Variants in SGK1 observed in about 807,000 individuals in gnomAD.
SGK1 encodes serine/threonine-protein kinase Sgk1.
A neutral mutation model predicts 64.2 loss-of-function variants in SGK1; 26 were observed. The ratio of observed to expected loss-of-function variants is 0.40; its 90% CI spans 0.30 to 0.56. The LOEUF (loss-of-function observed/expected upper bound fraction) is 0.56, where lower values mean the gene tolerates loss of function less well. Ranked by LOEUF, SGK1 falls within the 20% of genes least tolerant of loss-of-function variation. The pLI is 0.38. For missense variants in SGK1, 519 were observed against 645.6 expected (o/e 0.80, Z 2.12); for synonymous variants, 265 against 239.7 (o/e 1.11, Z -0.98).
chr6:134,236,401 C>T (rs1313644131), intron 2 of SGK1, among the ~76,000 whole-genome samples: 2 of 151,942 alleles, frequency 1.3e-5, no homozygotes, highest in East Asian at 1.9e-4. Flanking sequence ...CTGAGGTGGG[C>T]GAATTGCTTG....
chr6:134,255,236 TCTA>T (rs1454630317), intron 2 of SGK1, among the ~76,000 whole-genome samples: 10 of 152,326 alleles, frequency 6.6e-5, no homozygotes, highest in Middle Eastern at 3.4e-3. Context: ...TTAATAATGC[TCTA>T]CAAGTTTATA....
intron 1 of SGK1, among the ~76,000 whole-genome samples, chr6:134,269,424 C>T (rs1459719125): frequency 6.8e-6 from 1 of 147,238 alleles, no homozygotes; most frequent in Non-Finnish European, 1.5e-5. Flanking sequence ...AGGTGGAGGC[C>T]GAGGCAGGTG....
At chr6:134,268,303 G>C (rs1488919539) in intron 1 of SGK1, among the ~76,000 whole-genome samples, 1 of 152,178 alleles carries the variant, frequency 6.6e-6, no homozygotes. Flanking sequence ...GGATGCCAGC[G>C]GCAGCCTGGG....
intron 2 of SGK1, among the ~76,000 whole-genome samples, chr6:134,227,816 A>C (rs150989054): frequency 2.0e-5 from 3 of 152,318 alleles, no homozygotes; most frequent in Admixed American, 6.5e-5. Flanking sequence ...GTAACAACTA[A>C]AACACATATA....
At chr6:134,258,899 C>A (rs1582747348) in intron 2 of SGK1, among the ~76,000 whole-genome samples, 3 of 151,958 alleles carry the variant, frequency 2.0e-5, no homozygotes, top group South Asian at 4.2e-4. Context: ...GAGGTGGGAC[C>A]ACTGCTTGAG....
chr6:134,188,364 G>A (rs536362372), intron 3 of SGK1, among the ~76,000 whole-genome samples: 3 of 152,006 alleles, frequency 2.0e-5, no homozygotes, highest in South Asian at 2.1e-4. Flanking sequence ...GTATATAATC[G>A]CATATCTGGC....
At chr6:134,298,627 A>G (rs911251234) in intron 1 of SGK1, 8 of 1,286,164 alleles carry the variant, frequency 6.2e-6, no homozygotes, top group Middle Eastern at 1.8e-4. Flanking sequence ...CTCGTGTAGG[A>G]GCGGCTGCTG....
intron 2 of SGK1, among the ~76,000 whole-genome samples, chr6:134,250,904 G>C (rs1374035837): frequency 6.6e-6 from 1 of 151,964 alleles, no homozygotes; most frequent in Non-Finnish European, 1.5e-5. Context: ...TCAGGTAGCT[G>C]GGACTATAGG....
At chr6:134,186,043 C>T (rs1775418541) in intron 3 of SGK1, among the ~76,000 whole-genome samples, 1 of 152,066 alleles carries the variant, frequency 6.6e-6, no homozygotes, top group Admixed American at 6.5e-5. Context: ...TTGGAGGCAC[C>T]CTTAAGGCCA....
In SGK1 at chr6:134,173,570, G is replaced by GAAAA; in HGVS notation, c.514-8_514-5dup. On this transcript the variant is annotated splice_region_variant and splice_polypyrimidine_tract_variant and intron_variant, in intron 5 of 13. Coordinates refer to ENST00000367858, the MANE Select transcript of SGK1 (RefSeq NM_001143676.3). ...TGATTTGCTGAGAAGGACTTGGCTA[G>GAAAA]AAAAAAAAAAAAAGAATTTCTTTTA... The GAAAA allele has an allele frequency of 4.8e-6, 6 of 1,258,604 alleles. No individual in the cohort carries two copies. Among genetic ancestry groups the GAAAA allele is most frequent in the Admixed American group, 2.4e-5 (1 of 41,316 alleles). 78.0% of individuals were successfully genotyped at this position (1,258,604 alleles called of 1,614,324 possible).
chr6:134,296,581 T>C (rs548360458), intron 1 of SGK1, among the ~76,000 whole-genome samples: 1 of 152,200 alleles, frequency 6.6e-6, no homozygotes, highest in East Asian at 1.9e-4. Flanking sequence ...CTCAGCCTCC[T>C]AAAGTGCTGA....
intron 2 of SGK1, among the ~76,000 whole-genome samples, chr6:134,244,736 T>C (rs1426264556): frequency 6.6e-6 from 1 of 152,244 alleles, no homozygotes; most frequent in Non-Finnish European, 1.5e-5. Context: ...TGCTGGGAGC[T>C]GCAGACCAGA....
At chr6:134,250,601 G>A (rs565328671) in intron 2 of SGK1, among the ~76,000 whole-genome samples, 1 of 152,230 alleles carries the variant, frequency 6.6e-6, no homozygotes, top group East Asian at 1.9e-4. Context: ...TGAACCAGAA[G>A]CAATTTACTA....
intron 3 of SGK1, among the ~76,000 whole-genome samples, chr6:134,206,538 G>GA (rs1775788786): frequency 6.6e-6 from 1 of 150,782 alleles, no homozygotes; most frequent in South Asian, 2.1e-4. Context: ...TTTAGATACT[G>GA]AAAAGAAGAC....
At chr6:134,238,944 T>C (rs879431914) in intron 2 of SGK1, among the ~76,000 whole-genome samples, 1 of 152,230 alleles carries the variant, frequency 6.6e-6, no homozygotes, top group Non-Finnish European at 1.5e-5. Flanking sequence ...GGTTTAACTA[T>C]TAAACTGTAA....
chr6:134,246,539 T>C (rs1425024475), intron 2 of SGK1, among the ~76,000 whole-genome samples: 1 of 152,162 alleles, frequency 6.6e-6, no homozygotes, highest in Admixed American at 6.5e-5. Flanking sequence ...TAAATGTTCA[T>C]ACATTCTCTC....
At chr6:134,214,574 T>A (rs1304040335) in intron 2 of SGK1, among the ~76,000 whole-genome samples, 1 of 38,254 alleles carries the variant, frequency 2.6e-5, no homozygotes, top group Non-Finnish European at 7.3e-5. Context: ...AGGGATACGC[T>A]GTCTCAAAAA....
At chr6:134,228,415 GAACAT>G (rs1283990875) in intron 2 of SGK1, among the ~76,000 whole-genome samples, 38 of 152,126 alleles carry the variant, frequency 2.5e-4, no homozygotes, top group African/African-American at 8.9e-4. Flanking sequence ...TTCATTTCTA[GAACAT>G]AACATTGAAA....
At chr6:134,261,479 G>C (rs1776765841) in intron 2 of SGK1, 1 of 275,542 alleles carries the variant, frequency 3.6e-6, no homozygotes, top group African/African-American at 2.2e-5. Flanking sequence ...TGGTTGCTAG[G>C]GGTCAGGGTA....
Sources: allele counts gnomAD v4.1 joint callset (sites outside exome capture counted in the v4.1 genomes callset), GRCh38; gene constraint gnomAD v4.1.1; transcripts MANE v1.5; gene names NCBI Gene and HGNC (gene_info 2026-07-23, HGNC 2026-07-21).